Variants in CSMD1 observed in about 807,000 individuals in gnomAD.
CSMD1 encodes CUB and sushi domain-containing protein 1.
Under a neutral mutation model 417.5 loss-of-function variants are expected in CSMD1, and 213 were observed. The ratio of observed to expected loss-of-function variants is 0.51; its 90% CI spans 0.46 to 0.57. The LOEUF (loss-of-function observed/expected upper bound fraction) is 0.57. Ranked by LOEUF, CSMD1 falls within the 20% of genes least tolerant of loss-of-function variation. The pLI is 0.00. For synonymous variants in CSMD1, 2,862 were observed against 1,736.8 expected, an observed-to-expected ratio of 1.65 and a Z score of -16.11; for missense variants, 6,923 against 4,529.7, an observed-to-expected ratio of 1.53 and a Z score of -15.17.
intron 1 of CSMD1, among the ~76,000 whole-genome samples, chr8:4,829,870 C>A (rs1800049100): frequency 6.6e-6 from 1 of 152,060 alleles, no homozygotes; most frequent in South Asian, 2.1e-4. Context: ...CAGAGTGGTA[C>A]AAAGTTTACT....
chr8:3,781,721 G>A (rs1466791638), intron 5 of CSMD1, among the ~76,000 whole-genome samples: 1 of 152,176 alleles, frequency 6.6e-6, no homozygotes, highest in Non-Finnish European at 1.5e-5. Context: ...GTCCCCATGT[G>A]AGGGGGCCAA....
intron 5 of CSMD1, among the ~76,000 whole-genome samples, chr8:3,907,749 T>C (rs1375728557): frequency 1.3e-5 from 2 of 152,196 alleles, no homozygotes; most frequent in Non-Finnish European, 2.9e-5. Context: ...CAGACCTGCC[T>C]GTGTCAGTCA....
chr8:4,010,770 C>T (rs1816480905), intron 4 of CSMD1, among the ~76,000 whole-genome samples: 2 of 152,194 alleles, frequency 1.3e-5, no homozygotes, highest in African/African-American at 4.8e-5. Context: ...TAATGCACTT[C>T]CTTGCATTTA....
chr8:4,901,373 T>C (rs538250825), intron 1 of CSMD1, among the ~76,000 whole-genome samples: 1 of 152,330 alleles, frequency 6.6e-6, no homozygotes, highest in Admixed American at 6.5e-5. Flanking sequence ...TATAGAAGAC[T>C]ATTGCAGTTA....
At chr8:3,746,282 T>A (rs993976656) in intron 6 of CSMD1, among the ~76,000 whole-genome samples, 1 of 152,226 alleles carries the variant, frequency 6.6e-6, no homozygotes, top group Non-Finnish European at 1.5e-5. Context: ...AAGGGATTGA[T>A]AACCTACCTG....
chr8:3,364,561 C>T (rs560152098), intron 20 of CSMD1, among the ~76,000 whole-genome samples: 3 of 152,264 alleles, frequency 2.0e-5, no homozygotes, highest in African/African-American at 7.2e-5. Flanking sequence ...GAGTGTGTTA[C>T]CCAAAATCCA....
Position 4,168,991 on chromosome 8 carries a change from A to C in CSMD1, c.416-136892T>G, listed in dbSNP as rs190324068. ...CTCAGGCCGTTCTCCTCATTTTCCT[A>C]CTATCTTATCAGCCGCTTACTCTTA... On this transcript the variant is annotated intron_variant, in intron 3 of 69. Coordinates refer to ENST00000635120, the MANE Select transcript of CSMD1 (RefSeq NM_033225.6). 1.1e-3 allele frequency among the ~76,000 whole-genome samples: 166 copies of C among 151,906 alleles called. 2 individuals carry two copies. The highest frequency in any genetic ancestry group is 3.9e-3 in the African/African-American group (160 of 41,378).
intron 5 of CSMD1, among the ~76,000 whole-genome samples, chr8:3,862,371 G>T (rs989174858): frequency 6.6e-6 from 1 of 150,424 alleles, no homozygotes; most frequent in African/African-American, 2.5e-5. Flanking sequence ...TTTATCCTCT[G>T]ATGTGGCCCT....
At chr8:3,116,331 T>C (rs7002853) in intron 42 of CSMD1, among the ~76,000 whole-genome samples, 89,660 of 152,052 alleles carry the variant, frequency 0.59, 29,744 homozygotes, top group African/African-American at 0.88. Flanking sequence ...AGTAAAAATG[T>C]TTGTTTAGTA....
At chr8:3,212,142 C>A (rs1326553160) in intron 30 of CSMD1, among the ~76,000 whole-genome samples, 1 of 152,168 alleles carries the variant, frequency 6.6e-6, no homozygotes, top group Admixed American at 6.5e-5. Flanking sequence ...TCACTGCCTC[C>A]CTCACCCATG....
intron 3 of CSMD1, among the ~76,000 whole-genome samples, chr8:4,123,307 A>C (rs1205456604): frequency 6.6e-6 from 1 of 152,210 alleles, no homozygotes; most frequent in Non-Finnish European, 1.5e-5. Context: ...TTTCCAGGTC[A>C]CTATCTGGAG....
At chr8:4,273,113 A>C (rs191144937) in intron 3 of CSMD1, among the ~76,000 whole-genome samples, 119 of 152,276 alleles carry the variant, frequency 7.8e-4, no homozygotes, top group Non-Finnish European at 1.3e-3. Context: ...ATGAAAGCCA[A>C]AGAGCCAAAT....
rs143008505 is a variant in CSMD1, at chr8:3,092,700, G to A, written c.7139-1038C>T. On this transcript the variant is annotated intron_variant, in intron 47 of 69. Transcript: ENST00000635120. ...TATAGGTAAGAAAAGAAAGCACAGT[G>A]GAGAGTCACCCGGCATTGCCCTCAT... is the stretch of plus-strand genomic sequence containing the variant. Among the ~76,000 whole-genome samples the A allele has an allele frequency of 6.2e-4, 95 of 152,316 alleles. 2 individuals carry two copies. Among genetic ancestry groups the A allele is most frequent in the South Asian group, 2.7e-3 (13 of 4,826 alleles).
chr8:3,718,769 A>G (rs898532643), intron 6 of CSMD1, among the ~76,000 whole-genome samples: 47 of 152,160 alleles, frequency 3.1e-4, no homozygotes, highest in African/African-American at 1.0e-3. Context: ...ACGTTTCCTT[A>G]CCAAATCAGG....
chr8:4,348,420 A>G (rs1800898657), intron 3 of CSMD1, among the ~76,000 whole-genome samples: 1 of 152,106 alleles, frequency 6.6e-6, no homozygotes, highest in African/African-American at 2.4e-5. Context: ...GTGATTCTGT[A>G]TTTTTAAAAA....
chr8:4,343,248 G>C (rs1192071619), intron 3 of CSMD1, among the ~76,000 whole-genome samples: 1 of 152,106 alleles, frequency 6.6e-6, no homozygotes, highest in Non-Finnish European at 1.5e-5. Flanking sequence ...ACAGACAGGA[G>C]GATGGAGGTT....
chr8:3,928,337 T>G (rs1809895768), intron 5 of CSMD1, among the ~76,000 whole-genome samples: 1 of 151,908 alleles, frequency 6.6e-6, no homozygotes, highest in Admixed American at 6.6e-5. Flanking sequence ...CAGGACTGAG[T>G]GGTAAACAAA....
At chr8:3,508,557 G>C (rs1796932478) in intron 10 of CSMD1, among the ~76,000 whole-genome samples, 1 of 151,696 alleles carries the variant, frequency 6.6e-6, no homozygotes, top group Non-Finnish European at 1.5e-5. Flanking sequence ...TAAACACTAA[G>C]AATGAAAAGA....
At chr8:4,791,933 A>C (rs1418927502) in intron 1 of CSMD1, among the ~76,000 whole-genome samples, 3 of 148,746 alleles carry the variant, frequency 2.0e-5, no homozygotes, top group Non-Finnish European at 3.0e-5. Flanking sequence ...TAGTTTCTTT[A>C]TGTTAGTTTT....
Sources: allele counts gnomAD v4.1 joint callset (sites outside exome capture counted in the v4.1 genomes callset), GRCh38; gene constraint gnomAD v4.1.1; transcripts MANE v1.5; gene names NCBI Gene and HGNC (gene_info 2026-07-23, HGNC 2026-07-21).